The following FDFT1 variants were observed in gnomAD, a reference collection of about 807,000 sequenced individuals.
The protein encoded by FDFT1 is farnesyl-diphosphate farnesyltransferase 1.
In FDFT1, 68 loss-of-function variants were observed where a neutral mutation model predicts 46.8. That is an observed-to-expected ratio of 1.45 (90% CI 1.19 to 1.78). FDFT1 has a LOEUF of 1.78. FDFT1 is among the 40% of genes most tolerant of loss of function. The pLI is 0.00. For synonymous variants in FDFT1, 351 were observed against 185.1 expected, an observed-to-expected ratio of 1.90 and a Z score of -7.28; for missense variants, 928 against 524.4, an observed-to-expected ratio of 1.77 and a Z score of -7.52.
chr8:11,808,990 GCC>G, intron 2 of FDFT1, 99 bp downstream of exon 2: 1 of 1,510,848 alleles, frequency 6.6e-7, no homozygotes, highest in East Asian at 2.5e-5. Context: ...CAGCGTTGCA[GCC>G]TCGTTGCTGT....
intron 2 of FDFT1, chr8:11,809,274 C>A: frequency 9.0e-7 from 1 of 1,105,728 alleles, no homozygotes; most frequent in Non-Finnish European, 1.1e-6. Context: ...CACCCATGAA[C>A]TTAGACCAGT....
At chr8:11,836,285 T>A (rs894202183) in intron 7 of FDFT1, among the ~76,000 whole-genome samples, 5 of 152,220 alleles carry the variant, frequency 3.3e-5, no homozygotes, top group South Asian at 2.1e-4. Context: ...ACAAGAGTAG[T>A]GTGTGAGACC....
intron 1 of FDFT1, 36 bp downstream of exon 1, chr8:11,802,967 A>C: frequency 2.6e-6 from 4 of 1,566,146 alleles, no homozygotes; most frequent in Non-Finnish European, 3.5e-6. Context: ...GGGGCGGGGA[A>C]GGAGCTCGCT....
chr8:11,816,101 C>A lies in FDFT1; in HGVS notation c.382-5649C>A, dbSNP rs749092336. Among the ~76,000 whole-genome samples, 4 of 152,294 alleles carry A rather than the reference C, an allele frequency of 2.6e-5. No homozygotes were observed. The East Asian group carries it at 7.7e-4, about 29-fold the overall frequency. On this transcript the variant is annotated intron_variant, in intron 3 of 7. Coordinates refer to ENST00000220584, the MANE Select transcript of FDFT1 (RefSeq NM_004462.5). Reference sequence around the variant, plus strand: ...TTCTACATATGGCAAGCCAGGTTTCCCAGCAGCATTTATTAAATAGGGAAT... The same window carrying A: ...TTCTACATATGGCAAGCCAGGTTTCACAGCAGCATTTATTAAATAGGGAAT...
At position 11,811,446 on chromosome 8, in the gene FDFT1, G is replaced by GA. The variant is rs1225383557; in HGVS notation, c.381+1596_381+1597insA. ...GCATGGGATAAATGTGTTAGGTATT[G>GA]CTAAGTCAAGGCAGCCCTATCCCCT... On this transcript the variant is annotated intron_variant, in intron 3 of 7. Transcript: ENST00000220584. Among the ~76,000 whole-genome samples the GA allele has an allele frequency of 4.0e-4, 61 of 152,332 alleles. No individual in the cohort carries two copies. In the East Asian group the frequency reaches 9.1e-3, roughly 23 times the overall value.
At chr8:11,802,428 C>T (rs1228893929), upstream of FDFT1, 1 of 459,006 alleles carries the variant, frequency 2.2e-6, no homozygotes, top group Admixed American at 2.3e-5. Flanking sequence ...CACCTCCAGT[C>T]CCCACAGCGT....
At chr8:11,809,050 C>A in intron 2 of FDFT1, 159 bp downstream of exon 2, 2 of 1,342,518 alleles carry the variant, frequency 1.5e-6, no homozygotes, top group East Asian at 2.6e-5. Flanking sequence ...TTTAGAAAGC[C>A]CTTCCAGGCT....
In FDFT1 at chr8:11,832,535, G is replaced by C. The variant is rs552912889; in HGVS notation, c.1032+865G>C. 6.4e-3 allele frequency among the ~76,000 whole-genome samples: 502 copies of C among 78,416 alleles called. 5 individuals carry two copies. Among genetic ancestry groups the C allele is most frequent in the Middle Eastern group, 9.6e-3 (1 of 104 alleles). The allele number at this position is 78,416 out of a possible 152,430, so 51.4% of individuals were successfully genotyped here. A position where few individuals can be genotyped will look rare whatever the true frequency, so the allele number is the denominator to read the frequency against. ...TCATTGCACTCTAGCCTGGGTGATA[G>C]AGTGAGACTTTGTCTCAAAAAAAAA... On this transcript the variant is annotated intron_variant, in intron 7 of 7. Transcript: ENST00000220584.
chr8:11,795,907 T>G (rs1344421257), exon 1 of FDFT1: 1 of 152,610 alleles, frequency 6.6e-6, no homozygotes, highest in Non-Finnish European at 1.5e-5. Context: ...ACGCCGCCTT[T>G]AAGAACTGTA....
chr8:11,827,130 CT>C (rs1196268066), intron 5 of FDFT1, among the ~76,000 whole-genome samples: 2 of 152,116 alleles, frequency 1.3e-5, no homozygotes, highest in African/African-American at 4.8e-5. Flanking sequence ...CAGCATTTAC[CT>C]TTTGCTTTCC....
chr8:11,816,119 T>C (rs1311507554), intron 3 of FDFT1, among the ~76,000 whole-genome samples: 1 of 152,234 alleles, frequency 6.6e-6, no homozygotes, highest in Non-Finnish European at 1.5e-5. Context: ...ATTTATTAAA[T>C]AGGGAATCCT....
chr8:11,822,410 G>A (rs993578606), intron 4 of FDFT1, among the ~76,000 whole-genome samples: 2 of 151,794 alleles, frequency 1.3e-5, no homozygotes, highest in Non-Finnish European at 2.9e-5. Context: ...AAGGTCTTGG[G>A]CCTCTTAATT....
Sources: gnomAD v4.1 joint callset for allele counts (sites outside exome capture counted in the v4.1 genomes callset) on GRCh38, gnomAD v4.1.1 for gene constraint, MANE v1.5 for transcripts, NCBI Gene and HGNC (gene_info 2026-07-23, HGNC 2026-07-21) for gene names.